The following UXS1 variants were observed in gnomAD, a reference collection of about 807,000 sequenced individuals.
UXS1 encodes the protein UDP-glucuronic acid decarboxylase 1.
UXS1 carries 33 observed loss-of-function variants against 62.6 expected under a neutral mutation model. That is an observed-to-expected ratio of 0.53 (90% CI 0.40 to 0.70). The LOEUF (loss-of-function observed/expected upper bound fraction) is 0.70. Ranked by LOEUF, UXS1 falls within the 30% of genes least tolerant of loss-of-function variation. The pLI is 0.00. For synonymous variants in UXS1, 213 were observed against 206.8 expected, an observed-to-expected ratio of 1.03 and a Z score of -0.26; for missense variants, 434 against 556.3, an observed-to-expected ratio of 0.78 and a Z score of 2.21.
chr2:106,150,545 A>G (rs539100143), intron 5 of UXS1, among the ~76,000 whole-genome samples: 4 of 152,366 alleles, frequency 2.6e-5, no homozygotes, highest in African/African-American at 9.6e-5. Flanking sequence ...GTCCAGGTGC[A>G]GCTCAAGCTA....
rs1271068933 is a variant in UXS1, at chr2:106,194,282, G to T, written c.-41C>A. On this transcript the variant is annotated 5_prime_UTR_variant, in exon 1 of 15. Transcript: ENST00000283148. ...GGGTCCAGGGCCCTACCGCGCGGGG[G>T]CCCGCCTGCTGCACAATGCGCGGCG... 5.0e-6 allele frequency: 6 copies of T among 1,196,440 alleles called. No homozygotes were observed. The highest frequency in any genetic ancestry group is 5.3e-6 in the Non-Finnish European group (5 of 944,554). 74.1% of individuals were successfully genotyped at this position (1,196,440 alleles called of 1,614,324 possible).
Position 106,194,139 on chromosome 2 carries a change from C to T in UXS1, c.94+9G>A, listed in dbSNP as rs1685120602. The T allele has an allele frequency of 6.8e-7, 1 of 1,470,996 alleles. No individual in the cohort carries two copies. 91.1% of individuals were successfully genotyped at this position (1,470,996 alleles called of 1,614,324 possible). A position where few individuals can be genotyped will look rare whatever the true frequency, so the allele number is the denominator to read the frequency against. On this transcript the variant is annotated intron_variant, in intron 1 of 14. Coordinates refer to ENST00000283148, the MANE Select transcript of UXS1 (RefSeq NM_001253875.2). ...GGGGCTCCCCAGCTGGCAGCGGGCG[C>T]GCACTCACAGGCGACGTAGGCCAGC...
At chr2:106,118,054 T>C (rs1171814791) in intron 9 of UXS1, among the ~76,000 whole-genome samples, 1 of 152,154 alleles carries the variant, frequency 6.6e-6, no homozygotes, top group Non-Finnish European at 1.5e-5. Flanking sequence ...GAGGGGTGGA[T>C]ATCACTCTGC....
At chr2:106,096,185 T>G (rs371768652) in intron 14 of UXS1, among the ~76,000 whole-genome samples, 1,739 of 92,542 alleles carry the variant, frequency 0.019, 29 homozygotes, top group African/African-American at 0.042. Flanking sequence ...CAGTCAGGGG[T>G]GTGTGTGTGT....
chr2:106,117,412 C>T (rs1404880576), intron 9 of UXS1, among the ~76,000 whole-genome samples: 1 of 152,174 alleles, frequency 6.6e-6, no homozygotes, highest in Admixed American at 6.5e-5. Flanking sequence ...CTTGTTATAG[C>T]AATTAGCCTG....
chr2:106,155,009 T>C (rs1682323492), intron 5 of UXS1, among the ~76,000 whole-genome samples: 1 of 152,180 alleles, frequency 6.6e-6, no homozygotes, highest in Admixed American at 6.5e-5. Context: ...GGAGCAGGCA[T>C]GTCACGTGGC....
intron 1 of UXS1, among the ~76,000 whole-genome samples, chr2:106,177,323 G>C (rs1482199648): frequency 6.6e-6 from 1 of 151,674 alleles, no homozygotes; most frequent in East Asian, 2.0e-4. Flanking sequence ...AGCCTCCTGA[G>C]TAGCTAGGAT....
At chr2:106,161,697 T>C (rs1370547845) in intron 4 of UXS1, among the ~76,000 whole-genome samples, 1 of 152,234 alleles carries the variant, frequency 6.6e-6, no homozygotes, top group South Asian at 2.1e-4. Context: ...TTACTTAGAA[T>C]TTAAATTATC....
chr2:106,145,774 T>C (rs1478866199), intron 5 of UXS1, among the ~76,000 whole-genome samples: 4 of 152,040 alleles, frequency 2.6e-5, no homozygotes, highest in Non-Finnish European at 5.9e-5. Context: ...AAAAAACGAT[T>C]AGCAAAATGC....
chr2:106,149,547 C>T (rs894564266), intron 5 of UXS1, among the ~76,000 whole-genome samples: 4 of 152,166 alleles, frequency 2.6e-5, no homozygotes, highest in Non-Finnish European at 4.4e-5. Context: ...CCATCCACTA[C>T]GTGATGACAT....
intron 11 of UXS1, 67 bp downstream of exon 11, chr2:106,104,727 C>G: frequency 6.3e-7 from 1 of 1,587,036 alleles, no homozygotes; most frequent in Non-Finnish European, 8.7e-7. Context: ...ACTGAACTGT[C>G]TGTCAAGTTG....
At chr2:106,167,337 C>G (rs557773996) in intron 1 of UXS1, among the ~76,000 whole-genome samples, 1 of 152,180 alleles carries the variant, frequency 6.6e-6, no homozygotes, top group Non-Finnish European at 1.5e-5. Flanking sequence ...TTCCAGGTGC[C>G]GAGGAAGAAC....
chr2:106,192,365 T>A (rs1215373293), intron 1 of UXS1, among the ~76,000 whole-genome samples: 2 of 152,114 alleles, frequency 1.3e-5, no homozygotes, highest in African/African-American at 4.8e-5. Flanking sequence ...CCATCCTGGC[T>A]AACATGGTGA....
At chr2:106,186,067 T>G (rs1684528801) in intron 1 of UXS1, among the ~76,000 whole-genome samples, 1 of 152,152 alleles carries the variant, frequency 6.6e-6, no homozygotes, top group Admixed American at 6.5e-5. Context: ...ACACCACCAG[T>G]TAATAACTAT....
intron 1 of UXS1, among the ~76,000 whole-genome samples, chr2:106,178,327 G>A (rs918297660): frequency 5.3e-5 from 8 of 152,094 alleles, no homozygotes; most frequent in East Asian, 1.9e-4. Context: ...CTGGTCACCC[G>A]CTTCCAATTA....
At chr2:106,148,140 C>T (rs564097892) in intron 5 of UXS1, among the ~76,000 whole-genome samples, 2 of 152,340 alleles carry the variant, frequency 1.3e-5, no homozygotes, top group Admixed American at 6.5e-5. Flanking sequence ...TCTAATTACA[C>T]GCTCTCTACT....
At chr2:106,185,428 C>T (rs1451958802) in intron 1 of UXS1, among the ~76,000 whole-genome samples, 2 of 152,226 alleles carry the variant, frequency 1.3e-5, no homozygotes, top group African/African-American at 4.8e-5. Flanking sequence ...AATTCTCCCA[C>T]TCTCTAGACA....
intron 10 of UXS1, among the ~76,000 whole-genome samples, chr2:106,108,967 C>T (rs577821708): frequency 7.6e-5 from 11 of 145,128 alleles, no homozygotes; most frequent in Admixed American, 2.8e-4. Context: ...TCACCCTCGA[C>T]ATCTGACATT....
chr2:106,185,071 C>G lies in UXS1; in HGVS notation c.94+9077G>C, dbSNP rs78533548. Reference sequence around the variant, plus strand: ...TGTCAGGTCAGACTTCCACATTCTGCCTTTATGGGCCACAAAGACTCCTGC... The same window carrying G: ...TGTCAGGTCAGACTTCCACATTCTGGCTTTATGGGCCACAAAGACTCCTGC... On this transcript the variant is annotated intron_variant, in intron 1 of 14. Transcript: ENST00000283148. Among the ~76,000 whole-genome samples the G allele has an allele frequency of 7.4e-3, 1,126 of 152,298 alleles. 13 individuals carry two copies. The highest frequency in any genetic ancestry group is 0.025 in the African/African-American group (1,052 of 41,548).
Sources: allele counts gnomAD v4.1 joint callset (sites outside exome capture counted in the v4.1 genomes callset), GRCh38; gene constraint gnomAD v4.1.1; transcripts MANE v1.5; gene names NCBI Gene and HGNC (gene_info 2026-07-23, HGNC 2026-07-21).